Variants in FERMT3 observed in about 807,000 individuals in gnomAD.
FERMT3 encodes the protein FERM domain containing kindlin 3.
Under a neutral mutation model 80.8 loss-of-function variants are expected in FERMT3, and 33 were observed. The observed-to-expected ratio is 0.41, with a 90% CI of 0.31 to 0.55. The LOEUF is 0.55. Among genes scored for constraint, FERMT3 ranks in the 20% least tolerant of loss-of-function variants. The pLI is 0.31. For missense variants in FERMT3, 754 were observed against 908.7 expected, an observed-to-expected ratio of 0.83 and a Z score of 2.19; for synonymous variants, 375 against 372.2, an observed-to-expected ratio of 1.01 and a Z score of -0.09.
Position 64,210,651 on chromosome 11 carries a change from A to T in FERMT3, c.201A>T (p.Glu67Asp). 1 of 1,614,102 alleles carries T rather than the reference A, an allele frequency of 6.2e-7. No homozygotes were observed. The highest frequency in any genetic ancestry group is 8.5e-7 in the Non-Finnish European group (1 of 1,180,002). The part of the protein sequence containing the change: ...QDWSDHAIWW[E>D]QKRQWLLQTH... ...GGTCAGACCATGCTATTTGGTGGGA[A>T]CAGAAGAGGCAGTGGCTGCTGCAGA... The change falls in exon 3 of 15, where the codon GAA becomes GAT. Residue 67 changes from glutamate to aspartate, a missense_variant. By Grantham distance (45) the Glu-to-Asp change is conservative. Transcript: ENST00000345728. The surrounding 1 kb of genome is among the most constrained non-coding windows in gnomAD (Gnocchi z 4.3).
chr11:64,220,425 C>G lies in FERMT3; in HGVS notation c.1312-11C>G. ...TTGGTTAGCACTGTCCCCCTCACCC[C>G]TCTCGCCCAGGAGCAGCAGTATGCC... is the stretch of plus-strand genomic sequence containing the variant. On this transcript the variant is annotated splice_polypyrimidine_tract_variant and intron_variant, in intron 11 of 14. Coordinates refer to ENST00000345728, the MANE Select transcript of FERMT3 (RefSeq NM_031471.6). 1.2e-6 allele frequency: 2 copies of G among 1,610,836 alleles called. No individual in the cohort carries two copies. The highest frequency in any genetic ancestry group is 1.7e-5 in the Admixed American group (1 of 59,950).
Position 64,223,737 on chromosome 11 carries a change from C to T in FERMT3, c.*245C>T, listed in dbSNP as rs1333661384. 1.3e-6 allele frequency: 1 copy of T among 765,484 alleles called. No homozygotes were observed. Among genetic ancestry groups the T allele is most frequent in the Non-Finnish European group, 2.1e-6 (1 of 477,902 alleles). 47.4% of individuals were successfully genotyped at this position (765,484 alleles called of 1,614,324 possible). A position where few individuals can be genotyped will look rare whatever the true frequency, so the allele number is the denominator to read the frequency against. Reference sequence around the variant, plus strand: ...GTGCCCCCTTTCCTTGTCTGAGTGGCTGAGGCTGATACCCCTGACCTATCT... The same window carrying T: ...GTGCCCCCTTTCCTTGTCTGAGTGGTTGAGGCTGATACCCCTGACCTATCT... On this transcript the variant is annotated 3_prime_UTR_variant, in exon 15 of 15. Transcript: ENST00000345728.
At chr11:64,218,850 A>T (rs888748354) in intron 6 of FERMT3, among the ~76,000 whole-genome samples, 1 of 151,990 alleles carries the variant, frequency 6.6e-6, no homozygotes, top group African/African-American at 2.4e-5. Flanking sequence ...CCCATGTTCC[A>T]TTCTGTCATC....
intron 6 of FERMT3, among the ~76,000 whole-genome samples, chr11:64,212,471 A>G (rs1946463598): frequency 6.6e-6 from 1 of 151,982 alleles, no homozygotes; most frequent in Non-Finnish European, 1.5e-5. Flanking sequence ...GCTATTCTAT[A>G]TATTTTGACA....
Position 64,210,843 on chromosome 11 carries a change from C to T in FERMT3, c.393C>T (p.Leu131=). ...CTGTGGCTGCCATCTGCCGCCTCCT[C>T]AGTAAGTTGCCCGGCTGATTCCCCT... The part of the protein sequence containing the change: ...FQAVAAICRL[L]SIRHPEELSL... The change falls in exon 3 of 15, where the codon CTC becomes CTT. Residue 131 remains leucine (L), a splice_region_variant and synonymous_variant. Transcript: ENST00000345728. The surrounding 1 kb of genome is among the most constrained non-coding windows in gnomAD (Gnocchi z 4.3). 3.1e-6 allele frequency: 5 copies of T among 1,611,600 alleles called. No individual in the cohort carries two copies. Among genetic ancestry groups the T allele is most frequent in the South Asian group, 1.1e-5 (1 of 91,086 alleles).
chr11:64,208,305 C>T (rs375383204), intron 2 of FERMT3, among the ~76,000 whole-genome samples: 10 of 152,128 alleles, frequency 6.6e-5, no homozygotes, highest in Non-Finnish European at 1.3e-4. Context: ...GGGCAGGGCC[C>T]GGAGCAGCTG....
chr11:64,212,446 C>A (rs1946462960), intron 6 of FERMT3, among the ~76,000 whole-genome samples: 1 of 152,234 alleles, frequency 6.6e-6, no homozygotes, highest in African/African-American at 2.4e-5. Flanking sequence ...GACTCCCTCT[C>A]ACTCCTTGGC....
chr11:64,214,529 T>C (rs1273314259), intron 6 of FERMT3, among the ~76,000 whole-genome samples: 1 of 151,926 alleles, frequency 6.6e-6, no homozygotes, highest in Non-Finnish European at 1.5e-5. Context: ...GTATTTTTAG[T>C]AGAGATGGGG....
At chr11:64,217,192 T>C (rs1946570553) in intron 6 of FERMT3, among the ~76,000 whole-genome samples, 2 of 152,200 alleles carry the variant, frequency 1.3e-5, no homozygotes, top group Admixed American at 1.3e-4. Flanking sequence ...TTCCTGCCAA[T>C]GTCTTGGGTG....
intron 12 of FERMT3, 168 bp downstream of exon 12, chr11:64,220,837 C>T (rs1426915106): frequency 1.5e-6 from 2 of 1,331,654 alleles, no homozygotes; most frequent in African/African-American, 1.4e-5. Flanking sequence ...GAGTCACGGT[C>T]CAGGTGCCCA....
chr11:64,216,931 T>C (rs1350551917), intron 6 of FERMT3, among the ~76,000 whole-genome samples: 1 of 152,194 alleles, frequency 6.6e-6, no homozygotes, highest in African/African-American at 2.4e-5. Context: ...TGTTTTATTC[T>C]TGTTGTCTTG....
intron 2 of FERMT3, 195 bp downstream of exon 2, chr11:64,207,719 CCCTT>C (rs1946345051): frequency 4.7e-6 from 3 of 640,730 alleles, no homozygotes; most frequent in Non-Finnish European, 7.8e-6. Flanking sequence ...TTCCCTCCCT[CCCTT>C]CTGCTGCAGC....
Position 64,211,310 on chromosome 11 carries a change from C to T in FERMT3, c.550C>T (p.His184Tyr). The T allele has an allele frequency of 6.2e-7, 1 of 1,613,444 alleles. No homozygotes were observed. The highest frequency in any genetic ancestry group is 8.5e-7 in the Non-Finnish European group (1 of 1,179,850). Residue 184 changes from histidine (H) to tyrosine (Y), a missense_variant, in exon 5 of 15, where the codon CAC becomes TAC. Transcript: ENST00000345728. This position sits in a 1 kb window ranked among gnomAD's most constrained non-coding sequence, Gnocchi z 4.7. The stretch of plus-strand genomic sequence containing the variant: ...TGCACTGTTCCGGGGGATGCCAGCT[C>T]ACTTCTCGGACAGCGCCCAGACTGA... Reference protein sequence around the residue: ...APALFRGMPAHFSDSAQTEAC... With the variant: ...APALFRGMPAYFSDSAQTEAC...
At chr11:64,215,604 C>T (rs539216769) in intron 6 of FERMT3, among the ~76,000 whole-genome samples, 4 of 152,178 alleles carry the variant, frequency 2.6e-5, no homozygotes, top group Non-Finnish European at 4.4e-5. Context: ...GATGGGGTCT[C>T]GCTCTGTCAC....
chr11:64,219,241 C>G lies in FERMT3; in HGVS notation c.787-10C>G. On this transcript the variant is annotated splice_polypyrimidine_tract_variant and intron_variant, in intron 6 of 14. Transcript: ENST00000345728. This position sits in a 1 kb window ranked among gnomAD's most constrained non-coding sequence, Gnocchi z 4.0. Reference sequence around the variant, plus strand: ...AGCCCAGCCTCCAGCCTCCTCTCCCCCCGCTCCAGACAGACCCCGTGCGGC... The same window carrying G: ...AGCCCAGCCTCCAGCCTCCTCTCCCGCCGCTCCAGACAGACCCCGTGCGGC... 1 of 1,574,184 alleles carries G rather than the reference C, an allele frequency of 6.4e-7. No individual in the cohort carries two copies. The highest frequency in any genetic ancestry group is 8.6e-7 in the Non-Finnish European group (1 of 1,160,620).
At chr11:64,216,727 C>T (rs192377343) in intron 6 of FERMT3, among the ~76,000 whole-genome samples, 1,960 of 140,222 alleles carry the variant, frequency 0.014, 26 homozygotes, top group South Asian at 0.094. Flanking sequence ...ACCTGGGAGG[C>T]GGAGCTTGCA....
intron 6 of FERMT3, among the ~76,000 whole-genome samples, chr11:64,217,415 G>A (rs1335355703): frequency 6.6e-6 from 1 of 152,146 alleles, no homozygotes; most frequent in Non-Finnish European, 1.5e-5. Context: ...TGGGCGTGGT[G>A]GTGCATGCCT....
chr11:64,210,526 C>T lies in FERMT3; in HGVS notation c.161-85C>T. 10 of 1,418,386 alleles carry T rather than the reference C, an allele frequency of 7.1e-6. No homozygotes were observed. The highest frequency in any genetic ancestry group is 9.9e-6 in the Non-Finnish European group (10 of 1,010,176). 87.9% of individuals were successfully genotyped at this position (1,418,386 alleles called of 1,614,324 possible). A position where few individuals can be genotyped will look rare whatever the true frequency, so the allele number is the denominator to read the frequency against. ...AGGCAGGGCAGGGGAGTGGTCGCCC[C>T]AGGCTTCTGAATCCTGGGGTTGTGC... On this transcript the variant is annotated intron_variant, in intron 2 of 14. Transcript: ENST00000345728. The surrounding 1 kb of genome is among the most constrained non-coding windows in gnomAD (Gnocchi z 4.3).
In FERMT3 at chr11:64,219,891, G is replaced by T; in HGVS notation, c.1080G>T (p.Arg360=). Reference sequence around the variant, plus strand: ...TCACAAACCCCAGCATCCCACGAAGGCCCCGGAAGCTGACCCTGAAGGGCT... The same window carrying T: ...TCACAAACCCCAGCATCCCACGAAGTCCCCGGAAGCTGACCCTGAAGGGCT... The part of the protein sequence containing the change: ...PELKDHLRIF[R]PRKLTLKGYR... Residue 360 remains arginine, a splice_region_variant and synonymous_variant, in exon 10 of 15, where the codon CGG becomes CGT. Coordinates refer to ENST00000345728, the MANE Select transcript of FERMT3 (RefSeq NM_031471.6). This position sits in a 1 kb window ranked among gnomAD's most constrained non-coding sequence, Gnocchi z 4.0. The T allele has an allele frequency of 1.2e-6, 2 of 1,613,904 alleles. No homozygotes were observed. Among genetic ancestry groups the T allele is most frequent in the Non-Finnish European group, 1.7e-6 (2 of 1,180,012 alleles).
Sources: allele counts gnomAD v4.1 joint callset (sites outside exome capture counted in the v4.1 genomes callset), GRCh38; gene constraint gnomAD v4.1.1; non-coding constraint Gnocchi (gnomAD v3.1); transcripts MANE v1.5; gene names NCBI Gene and HGNC (gene_info 2026-07-23, HGNC 2026-07-21).